The following UNC13A variants were observed in gnomAD, a reference collection of about 807,000 sequenced individuals.
UNC13A encodes the protein unc-13 homolog A.
A neutral mutation model predicts 219.7 loss-of-function variants in UNC13A; 61 were observed. The observed-to-expected ratio is 0.28, with a 90% CI of 0.23 to 0.34. The LOEUF (loss-of-function observed/expected upper bound fraction) is 0.34, where lower values mean the gene tolerates loss of function less well. Among genes scored for constraint, UNC13A ranks in the 10% least tolerant of loss-of-function variants. UNC13A has a pLI of 1.00. For missense variants in UNC13A, 1,476 were observed against 2,270.3 expected (o/e 0.65, Z 7.11); for synonymous variants, 920 against 884.6 (o/e 1.04, Z -0.71).
At chr19:17,648,050 T>G (rs1336154132) in intron 16 of UNC13A, among the ~76,000 whole-genome samples, 1 of 104,104 alleles carries the variant, frequency 9.6e-6, no homozygotes, top group Non-Finnish European at 1.9e-5. Flanking sequence ...TCTCGCAGTC[T>G]GAACCCCTTC....
chr19:17,632,756 G>A (rs1022363679), intron 28 of UNC13A, 26 bp downstream of exon 28: 1 of 1,613,140 alleles, frequency 6.2e-7, no homozygotes, highest in African/African-American at 1.3e-5. Flanking sequence ...TTCTGGCTTG[G>A]GTTGGGCCTG....
rs1276991825 is a variant in UNC13A, at chr19:17,645,776, G to A, written c.2254C>T (p.Arg752Cys). Residue 752 changes from arginine to cysteine, a missense_variant, in exon 19 of 44, where the codon CGC becomes TGC. Physicochemically the swap from Arg to Cys is radical, Grantham distance 180. This residue lies in a region of UNC13A where 66 missense variants were observed against 224.3 expected (regional missense o/e 0.29). Transcript: ENST00000519716. ...TCCCTCTTGAACCTCTGTTTCACGC[G>A]GGATTTGATGTCGTCATCCTCGTCC... is the stretch of plus-strand genomic sequence containing the variant. Reference protein sequence around the residue: ...VWDEDDDIKSRVKQRFKRESD... With the variant: ...VWDEDDDIKSCVKQRFKRESD... 3 of 1,613,888 alleles carry A rather than the reference G, an allele frequency of 1.9e-6. No homozygotes were observed. Among genetic ancestry groups the A allele is most frequent in the East Asian group, 2.2e-5 (1 of 44,890 alleles).
At position 17,656,163 on chromosome 19, in the gene UNC13A, C is replaced by T; in HGVS notation, c.1003G>A (p.Glu335Lys). 3.2e-6 allele frequency: 5 copies of T among 1,552,330 alleles called. No homozygotes were observed. The highest frequency in any genetic ancestry group is 4.4e-6 in the Non-Finnish European group (5 of 1,147,172). The change falls in exon 10 of 44, where the codon GAG (glutamate) becomes AAG (lysine). Residue 335 changes from glutamate to lysine, a missense_variant. This residue lies in a region of UNC13A where 351 missense variants were observed against 342.6 expected (regional missense o/e 1.02). Coordinates refer to ENST00000519716, the MANE Select transcript of UNC13A (RefSeq NM_001080421.3). ...TCCTCCTCATCTTCAGGCAGCTCCT[C>T]CTCCTCCAGGAAGTCCTCCAGGTCC... ...EEDLEDFLEE[E>K]ELPEDEEELE...
chr19:17,677,369 C>CTT (rs1280178035), intron 1 of UNC13A, among the ~76,000 whole-genome samples: 2 of 89,336 alleles, frequency 2.2e-5, no homozygotes, highest in Admixed American at 1.0e-4. Flanking sequence ...TTTTTTTTTT[C>CTT]TTTTTTTTTT....
At position 17,617,744 on chromosome 19, in the gene UNC13A, C is replaced by A. The variant is rs748720905; in HGVS notation, c.4516G>T (p.Asp1506Tyr). Residue 1506 changes from aspartate to tyrosine, a missense_variant, in exon 41 of 44, where the codon GAC (aspartate) becomes TAC (tyrosine). Around this residue, in one of 14 missense-constraint regions of UNC13A, gnomAD observed 77 missense variants for 94.8 expected, o/e 0.81. Transcript: ENST00000519716. Reference sequence around the variant, plus strand: ...TGTACAAAGGTCTTGATTAGCAGGTCGGTGGCCTGCGTGTAGAGCGACAGG... The same window carrying A: ...TGTACAAAGGTCTTGATTAGCAGGTAGGTGGCCTGCGTGTAGAGCGACAGG... ...YALSLYTQAT[D>Y]LLIKTFVQTQ... 1 of 1,613,910 alleles carries A rather than the reference C, an allele frequency of 6.2e-7. No individual in the cohort carries two copies.
Position 17,648,967 on chromosome 19 carries a change from C to T in UNC13A, c.1541G>A (p.Arg514Lys). Residue 514 changes from arginine to lysine, a missense_variant, in exon 15 of 44, where the codon AGG becomes AAG. Transcript: ENST00000519716. Reference sequence around the variant, plus strand: ...CAAGGCCGAGGTGATGCCCGCTTTCCTGGACTGGACCAGGGACTGGGGAGG... The same window carrying T: ...CAAGGCCGAGGTGATGCCCGCTTTCTTGGACTGGACCAGGGACTGGGGAGG... ...SDLAMSLVQS[R>K]KAGITSALAS... 6.2e-7 allele frequency: 1 copy of T among 1,603,920 alleles called. No individual in the cohort carries two copies. Among genetic ancestry groups the T allele is most frequent in the Non-Finnish European group, 8.5e-7 (1 of 1,175,868 alleles).
chr19:17,621,753 G>C, intron 37 of UNC13A, 79 bp downstream of exon 37: 1 of 1,508,360 alleles, frequency 6.6e-7, no homozygotes, highest in South Asian at 1.1e-5. Context: ...TTCCTGCCCA[G>C]GTGCACAGAC....
rs1433111794 is a variant in UNC13A, at chr19:17,602,147, T to G, written c.*3907A>C. On this transcript the variant is annotated 3_prime_UTR_variant, in exon 44 of 44. Transcript: ENST00000519716. ...TGGGGCCTGAGAGAGGAATTGGGGG[T>G]GTGGACAGGCACCTCCTCATTTTAT... is the stretch of plus-strand genomic sequence containing the variant. The G allele has an allele frequency of 1.3e-5, 2 of 152,280 alleles. No homozygotes were observed. The highest frequency in any genetic ancestry group is 4.8e-5 in the African/African-American group (2 of 41,292). 9.4% of individuals were successfully genotyped at this position (152,280 alleles called of 1,614,324 possible). A position where few individuals can be genotyped will look rare whatever the true frequency, so the allele number is the denominator to read the frequency against.
At chr19:17,631,184 T>TTCCTCCC (rs1555778888) in intron 28 of UNC13A, among the ~76,000 whole-genome samples, 3 of 25,500 alleles carry the variant, frequency 1.2e-4, no homozygotes, top group Admixed American at 2.7e-4. Context: ...CCTCCTTTCC[T>TTCCTCCC]TCCTTCCCTC....
intron 11 of UNC13A, among the ~76,000 whole-genome samples, chr19:17,654,907 C>G (rs182131874): frequency 6.6e-5 from 10 of 152,254 alleles, no homozygotes; most frequent in Admixed American, 5.9e-4. Flanking sequence ...GGAGGCTGGG[C>G]TGGGGATGTG....
intron 41 of UNC13A, 95 bp downstream of exon 41, chr19:17,617,607 C>G (rs562560735): frequency 6.5e-6 from 10 of 1,529,796 alleles, no homozygotes; most frequent in Non-Finnish European, 8.9e-6. Context: ...CCATCCATGA[C>G]GTCACAGGGG....
intron 43 of UNC13A, among the ~76,000 whole-genome samples, chr19:17,606,572 C>T (rs994527989): frequency 2.6e-5 from 4 of 152,088 alleles, no homozygotes; most frequent in African/African-American, 9.7e-5. Flanking sequence ...GCCACGCCCA[C>T]GCCTGTTCTT....
chr19:17,641,943 T>A (rs535766915), intron 20 of UNC13A, among the ~76,000 whole-genome samples: 1 of 152,144 alleles, frequency 6.6e-6, no homozygotes, highest in South Asian at 2.1e-4. Flanking sequence ...TCAGAAATTA[T>A]GAACCCAATT....
intron 23 of UNC13A, 96 bp from the exon 24 acceptor site, chr19:17,639,621 G>A: frequency 7.2e-7 from 1 of 1,393,222 alleles, no homozygotes; most frequent in East Asian, 2.4e-5. Context: ...CCCGGTTTCA[G>A]GCTGGGGGTT....
Position 17,602,618 on chromosome 19 carries a change from C to T in UNC13A, c.*3436G>A, listed in dbSNP as rs1228066075. The T allele has an allele frequency of 6.6e-6, 1 of 152,302 alleles. No individual in the cohort carries two copies. The highest frequency in any genetic ancestry group is 1.5e-5 in the Non-Finnish European group (1 of 68,098). The allele number at this position is 152,302 out of a possible 1,614,324, so 9.4% of individuals were successfully genotyped here. ...GCCCTGCTCCTCTCTGGGCTTTGTTCTGCCAATACAGGAACTTCCTGATTT... is the reference window on the plus strand; with the variant it reads ...GCCCTGCTCCTCTCTGGGCTTTGTTTTGCCAATACAGGAACTTCCTGATTT... On this transcript the variant is annotated 3_prime_UTR_variant, in exon 44 of 44. Coordinates refer to ENST00000519716, the MANE Select transcript of UNC13A (RefSeq NM_001080421.3).
At chr19:17,666,191 T>TTCTCTC (rs373186552) in intron 7 of UNC13A, among the ~76,000 whole-genome samples, 1 of 42,978 alleles carries the variant, frequency 2.3e-5, no homozygotes, top group Non-Finnish European at 7.0e-5. Context: ...CTCTCTCTCT[T>TTCTCTC]TCTCTCTTTC....
rs936199401 is a variant in UNC13A at position 17,674,346 on chromosome 19, G to A, written c.152+311C>T. Among the ~76,000 whole-genome samples, 36 of 152,340 alleles carry A rather than the reference G, an allele frequency of 2.4e-4. No individual in the cohort carries two copies. The highest frequency in any genetic ancestry group is 8.7e-4 in the African/African-American group (36 of 41,578). On this transcript the variant is annotated intron_variant, in intron 3 of 43. Transcript: ENST00000519716. The surrounding 1 kb of genome is among the most constrained non-coding windows in gnomAD (Gnocchi z 5.0). The stretch of plus-strand genomic sequence containing the variant: ...ACAAGTTTGGAACATGGGAGCGACA[G>A]GATGTGATTTGCAGTTTTAAAAATA...
chr19:17,633,135 C>A lies in UNC13A; in HGVS notation c.3274G>T (p.Ala1092Ser), dbSNP rs748879833. The change falls in exon 27 of 44, where the codon GCC (alanine) becomes TCC (serine). Residue 1092 changes from alanine to serine, a missense_variant. Physicochemically the swap from Ala to Ser is moderately conservative, Grantham distance 99. Transcript: ENST00000519716. ...ISAEVMWNLF[A>S]QDMKYAMEEH... ...TCCATGGCGTACTTCATGTCTTGGG[C>A]AAACAGATTCCACATCACTTCAGCG... The A allele has an allele frequency of 3.1e-6, 5 of 1,614,160 alleles. No individual in the cohort carries two copies. Among genetic ancestry groups the A allele is most frequent in the Non-Finnish European group, 4.2e-6 (5 of 1,180,016 alleles).
chr19:17,630,608 C>T (rs371009289), intron 29 of UNC13A, 46 bp downstream of exon 29: 19 of 1,600,322 alleles, frequency 1.2e-5, no homozygotes, highest in Non-Finnish European at 1.6e-5. Context: ...CCTAAATTGA[C>T]CCCAGTGGGA....
Sources: gnomAD v4.1 joint callset for allele counts (sites outside exome capture counted in the v4.1 genomes callset) on GRCh38, gnomAD v4.1.1 for gene constraint, gnomAD v4.1.1 regional missense constraint, Gnocchi (gnomAD v3.1) non-coding constraint, MANE v1.5 for transcripts, NCBI Gene and HGNC (gene_info 2026-07-23, HGNC 2026-07-21) for gene names.